FAXDC2: variants seen among roughly 807,000 people sequenced by gnomAD.
FAXDC2 encodes fatty acid hydroxylase domain-containing protein 2.
A neutral mutation model predicts 40.9 loss-of-function variants in FAXDC2; 41 were observed. The observed-to-expected ratio is 1.00, with a 90% confidence interval of 0.78 to 1.30. The LOEUF (loss-of-function observed/expected upper bound fraction) is 1.30. FAXDC2 is among the 50% of genes most tolerant of loss of function. The pLI is 0.00. For synonymous variants in FAXDC2, 157 were observed against 149.3 expected (o/e 1.05, Z -0.38); for missense variants, 390 against 408.8 (o/e 0.95, Z 0.40).
At chr5:154,850,129 A>G (rs1760694473) in intron 1 of FAXDC2, among the ~76,000 whole-genome samples, 1 of 152,216 alleles carries the variant, frequency 6.6e-6, no homozygotes, top group Non-Finnish European at 1.5e-5. Context: ...TGAGTTCTGA[A>G]TTAGGAGTTG....
chr5:154,849,486 C>T (rs1191412445), intron 1 of FAXDC2, among the ~76,000 whole-genome samples: 1 of 152,026 alleles, frequency 6.6e-6, no homozygotes, highest in Non-Finnish European at 1.5e-5. Context: ...CAGAATCAAG[C>T]CCAAGCCTGG....
rs750896323 is a variant in FAXDC2, at chr5:154,830,810, C to G, written c.357G>C (p.Lys119Asn). The change falls in exon 5 of 9, where the codon AAG becomes AAC. Residue 119 changes from lysine (K) to asparagine (N), a missense_variant. Physicochemically the swap from Lys to Asn is moderately conservative, Grantham distance 94. Transcript: ENST00000326080. ...FISRYRIQVG[K>N]NEPVDPVKLR... ...TTGCAACAACACTTACAGGTTCATT[C>G]TTGCCGACCTGAATTCGGTAGCGAG... 1 of 1,614,098 alleles carries G rather than the reference C, an allele frequency of 6.2e-7. No individual in the cohort carries two copies. The highest frequency in any genetic ancestry group is 8.5e-7 in the Non-Finnish European group (1 of 1,180,004).
At chr5:154,837,385 T>C (rs932296319) in intron 2 of FAXDC2, among the ~76,000 whole-genome samples, 6 of 152,144 alleles carry the variant, frequency 3.9e-5, no homozygotes, top group Non-Finnish European at 8.8e-5. Context: ...AGCCTTAGTC[T>C]CCCAAAGTGC....
intron 5 of FAXDC2, among the ~76,000 whole-genome samples, chr5:154,828,883 G>A (rs983591462): frequency 1.3e-5 from 2 of 149,402 alleles, no homozygotes; most frequent in African/African-American, 4.9e-5. Context: ...TTACAAGCCT[G>A]AGCCACTGTG....
At position 154,819,420 on chromosome 5, in the gene FAXDC2, CTCTT is replaced by C. The variant is rs991388233; in HGVS notation, c.*892_*895del. The C allele has an allele frequency of 6.6e-6, 1 of 152,144 alleles. No homozygotes were observed. Among genetic ancestry groups the C allele is most frequent in the African/African-American group, 2.4e-5 (1 of 41,430 alleles). The allele number at this position is 152,144 out of a possible 1,614,324, so 9.4% of individuals were successfully genotyped here. A position where few individuals can be genotyped will look rare whatever the true frequency, so the allele number is the denominator to read the frequency against. ...CTTTGCTCTGCCATGTTTTTCCGGG[CTCTT>C]TCTTCGGGGAGAAAGAGGGCTCTAA... On this transcript the variant is annotated 3_prime_UTR_variant, in exon 9 of 9. Coordinates refer to ENST00000326080, the MANE Select transcript of FAXDC2 (RefSeq NM_032385.5).
intron 5 of FAXDC2, chr5:154,823,851 G>A: frequency 2.1e-6 from 1 of 474,744 alleles, no homozygotes; most frequent in East Asian, 3.9e-5. Context: ...CTTCTTCCTG[G>A]TTCTGCACAT....
At chr5:154,834,770 G>A (rs1313666260) in intron 3 of FAXDC2, 42 bp from the exon 4 acceptor site, 3 of 1,595,342 alleles carry the variant, frequency 1.9e-6, no homozygotes, top group Admixed American at 1.7e-5. Flanking sequence ...ACTAGTGGGT[G>A]GACAGCTCCT....
At chr5:154,832,374 C>T (rs756238235) in intron 4 of FAXDC2, among the ~76,000 whole-genome samples, 1 of 152,092 alleles carries the variant, frequency 6.6e-6, no homozygotes, top group East Asian at 1.9e-4. Context: ...CCACCGCGCC[C>T]GACTAATTTT....
intron 1 of FAXDC2, among the ~76,000 whole-genome samples, chr5:154,845,653 C>A (rs1415660651): frequency 2.4e-5 from 3 of 126,114 alleles, no homozygotes; most frequent in Non-Finnish European, 5.0e-5. Context: ...TCTCAAAAAA[C>A]AAAACAAAAA....
chr5:154,846,269 A>AGTGTGTGT (rs10674936), intron 1 of FAXDC2, among the ~76,000 whole-genome samples: 44 of 147,448 alleles, frequency 3.0e-4, no homozygotes, highest in African/African-American at 6.0e-4. Flanking sequence ...TGAACTAGAT[A>AGTGTGTGT]GTGTGTGTGT....
intron 5 of FAXDC2, among the ~76,000 whole-genome samples, chr5:154,825,668 A>AAAAG (rs70981954): frequency 1.4e-5 from 2 of 143,350 alleles, no homozygotes; most frequent in African/African-American, 5.2e-5. Context: ...AAAAAAAAAA[A>AAAAG]GCAGTAATAT....
chr5:154,832,306 C>T (rs1027212946), intron 4 of FAXDC2, among the ~76,000 whole-genome samples: 4 of 151,976 alleles, frequency 2.6e-5, no homozygotes, highest in Admixed American at 2.0e-4. Context: ...ATCTGCCTCC[C>T]GGGTTCACGC....
chr5:154,831,649 C>A (rs1287357643), intron 4 of FAXDC2, among the ~76,000 whole-genome samples: 2 of 152,106 alleles, frequency 1.3e-5, no homozygotes. Flanking sequence ...TGTCTGTGCC[C>A]CTCCACCAGC....
chr5:154,822,294 G>C (rs1303785739), intron 7 of FAXDC2, 178 bp downstream of exon 7: 1 of 598,368 alleles, frequency 1.7e-6, no homozygotes, highest in East Asian at 2.7e-5. Flanking sequence ...ATGATTAAAT[G>C]AGACAACTGT....
intron 2 of FAXDC2, among the ~76,000 whole-genome samples, chr5:154,835,742 G>A (rs922023299): frequency 4.3e-4 from 65 of 151,414 alleles, no homozygotes; most frequent in Middle Eastern, 3.4e-3. Flanking sequence ...CACCACACCC[G>A]GCTAATTTTT....
intron 4 of FAXDC2, among the ~76,000 whole-genome samples, chr5:154,833,681 T>C (rs949403331): frequency 5.9e-5 from 9 of 151,728 alleles, no homozygotes; most frequent in Non-Finnish European, 1.3e-4. Flanking sequence ...TTCTTTCTTT[T>C]TTTTTTGAGA....
At chr5:154,841,769 T>C (rs1760479906) in intron 1 of FAXDC2, among the ~76,000 whole-genome samples, 1 of 150,550 alleles carries the variant, frequency 6.6e-6, no homozygotes, top group Non-Finnish European at 1.5e-5. Flanking sequence ...GCAGTCTCAC[T>C]CTGTCGCCCA....
At chr5:154,838,468 G>A (rs2113159139) in intron 1 of FAXDC2, 2 of 377,514 alleles carry the variant, frequency 5.3e-6, no homozygotes, top group Non-Finnish European at 9.6e-6. Flanking sequence ...AAGAGACAGG[G>A]TCCCACTACG....
Position 154,833,185 on chromosome 5 carries a change from C to T in FAXDC2, c.244+1440G>A, listed in dbSNP as rs529143092. Among the ~76,000 whole-genome samples, 176 of 151,714 alleles carry T rather than the reference C, an allele frequency of 1.2e-3. 2 individuals are homozygous for T. The highest frequency in any genetic ancestry group is 4.1e-3 in the African/African-American group (168 of 41,376). On this transcript the variant is annotated intron_variant, in intron 4 of 8. Transcript: ENST00000326080. ...CTGAGTAGCTGGGATTACAGGCACG[C>T]ACCACCACGCCTGGCTCATTTTTTG... is the stretch of plus-strand genomic sequence containing the variant.
Sources: gnomAD v4.1 joint callset for allele counts (sites outside exome capture counted in the v4.1 genomes callset) on GRCh38, gnomAD v4.1.1 for gene constraint, MANE v1.5 for transcripts, NCBI Gene and HGNC (gene_info 2026-07-23, HGNC 2026-07-21) for gene names.